MIR2052HG: variants seen among roughly 807,000 people sequenced by gnomAD.
MIR2052HG encodes MIR2052 host gene.
intron 2 of MIR2052HG, among the ~76,000 whole-genome samples, chr8:74,700,639 T>A (rs1173813427): frequency 1.3e-5 from 2 of 152,132 alleles, no homozygotes; most frequent in Admixed American, 6.6e-5. Flanking sequence ...ATTGATGGGC[T>A]GCTGTGGGCA....
intron 4 of MIR2052HG, among the ~76,000 whole-genome samples, chr8:74,744,081 T>C (rs1216277391): frequency 6.6e-6 from 1 of 152,178 alleles, no homozygotes; most frequent in African/African-American, 2.4e-5. Flanking sequence ...ACTGTTTGCA[T>C]TGAGTGCTTG....
chr8:74,664,774 T>G (rs932050495), intron 2 of MIR2052HG, among the ~76,000 whole-genome samples: 2 of 152,184 alleles, frequency 1.3e-5, no homozygotes, highest in Non-Finnish European at 2.9e-5. Context: ...CACCTCAGCC[T>G]CTCAAAGTGC....
intron 2 of MIR2052HG, among the ~76,000 whole-genome samples, chr8:74,627,558 C>T (rs1053880191): frequency 6.6e-6 from 1 of 152,190 alleles, no homozygotes; most frequent in East Asian, 1.9e-4. Flanking sequence ...AAAATTAAAG[C>T]TATTACTTAA....
At chr8:74,724,121 C>T (rs1369779156) in intron 4 of MIR2052HG, among the ~76,000 whole-genome samples, 1 of 152,018 alleles carries the variant, frequency 6.6e-6, no homozygotes, top group Non-Finnish European at 1.5e-5. Flanking sequence ...AGGATGGCCT[C>T]GTTTCATTTC....
intron 2 of MIR2052HG, among the ~76,000 whole-genome samples, chr8:74,647,160 A>G (rs889600104): frequency 6.6e-6 from 1 of 152,158 alleles, no homozygotes; most frequent in African/African-American, 2.4e-5. Context: ...ATATGCATAT[A>G]TATGCAATAT....
At chr8:74,732,203 C>T (rs549015927) in intron 4 of MIR2052HG, among the ~76,000 whole-genome samples, 9 of 152,194 alleles carry the variant, frequency 5.9e-5, no homozygotes, top group East Asian at 3.9e-4. Flanking sequence ...CAGCTATTTG[C>T]GTGACATCTA....
intron 4 of MIR2052HG, among the ~76,000 whole-genome samples, chr8:74,745,047 C>G (rs1809869882): frequency 6.6e-6 from 1 of 151,938 alleles, no homozygotes; most frequent in Middle Eastern, 3.2e-3. Flanking sequence ...TGCTTAAGGC[C>G]AGGAGTTCAA....
chr8:74,706,345 C>T (rs559220111), intron 4 of MIR2052HG, among the ~76,000 whole-genome samples: 5 of 152,108 alleles, frequency 3.3e-5, no homozygotes, highest in Non-Finnish European at 7.4e-5. Flanking sequence ...CATAAATCTC[C>T]ATGAGCAACC....
At chr8:74,674,480 A>C (rs1230384348) in intron 2 of MIR2052HG, among the ~76,000 whole-genome samples, 1 of 152,026 alleles carries the variant, frequency 6.6e-6, no homozygotes, top group Non-Finnish European at 1.5e-5. Flanking sequence ...AAAATTAAAC[A>C]TAATATTGAA....
chr8:74,666,370 A>G (rs1334519938), intron 2 of MIR2052HG, among the ~76,000 whole-genome samples: 2 of 152,222 alleles, frequency 1.3e-5, no homozygotes, highest in East Asian at 3.8e-4. Flanking sequence ...CATCTAAAGT[A>G]ACCACCATCA....
intron 2 of MIR2052HG, among the ~76,000 whole-genome samples, chr8:74,629,222 C>T (rs547802706): frequency 1.1e-4 from 16 of 152,190 alleles, no homozygotes; most frequent in African/African-American, 3.4e-4. Flanking sequence ...TGTTAGGCCA[C>T]GGTAAACTGT....
chr8:74,734,616 AAC>A (rs560513196), intron 4 of MIR2052HG, among the ~76,000 whole-genome samples: 1 of 152,224 alleles, frequency 6.6e-6, no homozygotes, highest in Non-Finnish European at 1.5e-5. Context: ...AAGCTTATGA[AAC>A]ACAGTATGAT....
chr8:74,729,196 C>T (rs1379900418), intron 4 of MIR2052HG, among the ~76,000 whole-genome samples: 1 of 152,110 alleles, frequency 6.6e-6, no homozygotes, highest in East Asian at 1.9e-4. Context: ...ACTTCAACAG[C>T]TAAGCTCCTC....
rs79467930 is a variant in MIR2052HG at position 74,757,015 on chromosome 8, G to A, written n.465-1096G>A. 8.4e-3 allele frequency: 1,284 copies of A among 152,382 alleles called. 16 individuals carry two copies. The highest frequency in any genetic ancestry group is 0.029 in the African/African-American group (1,202 of 41,558). 9.4% of individuals were successfully genotyped at this position (152,382 alleles called of 1,614,324 possible). A position where few individuals can be genotyped will look rare whatever the true frequency, so the allele number is the denominator to read the frequency against. The stretch of plus-strand genomic sequence containing the variant: ...CATTTTTAGTTGGTACTGAATGTGT[G>A]AATGAGATGGGTAGCTATGGCATCC... On this transcript the variant is annotated intron_variant and non_coding_transcript_variant, in intron 5 of 6. Transcript: ENST00000523442.
chr8:74,665,501 T>G (rs1586907704), intron 2 of MIR2052HG, among the ~76,000 whole-genome samples: 1 of 152,308 alleles, frequency 6.6e-6, no homozygotes, highest in South Asian at 2.1e-4. Flanking sequence ...ATGCTGCTTC[T>G]ATCTCCTGCA....
chr8:74,646,796 T>C (rs1808693366), intron 2 of MIR2052HG, among the ~76,000 whole-genome samples: 1 of 152,114 alleles, frequency 6.6e-6, no homozygotes, highest in East Asian at 1.9e-4. Context: ...GGTGTGCTGG[T>C]ACATTCCTGA....
At chr8:74,618,308 T>C (rs899977053) in intron 2 of MIR2052HG, among the ~76,000 whole-genome samples, 13 of 152,226 alleles carry the variant, frequency 8.5e-5, no homozygotes, top group African/African-American at 3.1e-4. Flanking sequence ...CATATCAATT[T>C]GCCCATTTAT....
chr8:74,671,914 G>C (rs1202647848), intron 2 of MIR2052HG, among the ~76,000 whole-genome samples: 4 of 152,026 alleles, frequency 2.6e-5, no homozygotes, highest in Non-Finnish European at 5.9e-5. Flanking sequence ...AACATTTGCA[G>C]GTCAACTCAG....
At chr8:74,755,618 A>G (rs1809991699) in intron 5 of MIR2052HG, among the ~76,000 whole-genome samples, 1 of 152,174 alleles carries the variant, frequency 6.6e-6, no homozygotes, top group African/African-American at 2.4e-5. Flanking sequence ...TGGCGCTTCT[A>G]AGAGTTTCAA....
Sources: gnomAD v4.1 joint callset for allele counts (sites outside exome capture counted in the v4.1 genomes callset) on GRCh38, gnomAD v4.1.1 for gene constraint, MANE v1.5 for transcripts, NCBI Gene and HGNC (gene_info 2026-07-23, HGNC 2026-07-21) for gene names.